Variants in HECW1 observed in about 807,000 individuals in gnomAD.
The protein encoded by HECW1 is HECT, C2 and WW domain containing E3 ubiquitin protein ligase 1.
HECW1 carries 61 observed loss-of-function variants against 182.3 expected under a neutral mutation model. The observed-to-expected ratio is 0.33, with a 90% CI of 0.27 to 0.41. The LOEUF is 0.41. Ranked by LOEUF, HECW1 falls within the 10% of genes least tolerant of loss-of-function variation. HECW1 has a pLI of 1.00. For synonymous variants in HECW1, 859 were observed against 832.6 expected, an observed-to-expected ratio of 1.03 and a Z score of -0.55; for missense variants, 1,739 against 2,108.9, an observed-to-expected ratio of 0.82 and a Z score of 3.44.
chr7:43,315,475 T>C (rs1809110895), intron 4 of HECW1, among the ~76,000 whole-genome samples: 1 of 74,270 alleles, frequency 1.3e-5, no homozygotes, highest in Non-Finnish European at 2.8e-5. Context: ...GTTATTATTA[T>C]TATTATTATT....
At chr7:43,295,684 G>C (rs751670080) in intron 3 of HECW1, among the ~76,000 whole-genome samples, 2 of 152,120 alleles carry the variant, frequency 1.3e-5, no homozygotes, top group Non-Finnish European at 2.9e-5. Flanking sequence ...CATGACCTAC[G>C]TATTTTCCAG....
At chr7:43,191,026 A>G (rs113895521) in intron 2 of HECW1, among the ~76,000 whole-genome samples, 24 of 152,344 alleles carry the variant, frequency 1.6e-4, no homozygotes, top group African/African-American at 5.3e-4. Flanking sequence ...CCCAGAAATC[A>G]CAAAACAAAA....
intron 19 of HECW1, among the ~76,000 whole-genome samples, chr7:43,496,924 A>G (rs1386087265): frequency 6.6e-6 from 1 of 152,192 alleles, no homozygotes; most frequent in African/African-American, 2.4e-5. Flanking sequence ...TCCCAGGGCT[A>G]TGTATGCAGT....
intron 17 of HECW1, among the ~76,000 whole-genome samples, chr7:43,488,503 A>AAAGAAAGAGAAAGAAAG (rs1563046957): frequency 6.7e-6 from 1 of 150,282 alleles, no homozygotes; most frequent in Non-Finnish European, 1.5e-5. Context: ...AGAAAGAAAG[A>AAAGAAAGAGAAAGAAAG]AAAGAAAAGA....
chr7:43,308,004 T>C (rs915649568), intron 3 of HECW1, among the ~76,000 whole-genome samples: 2 of 124,216 alleles, frequency 1.6e-5, no homozygotes, highest in Admixed American at 2.1e-4. Context: ...ATATAATATA[T>C]AATATACAGT....
chr7:43,318,457 G>A (rs1439620655), intron 4 of HECW1, among the ~76,000 whole-genome samples: 1 of 152,200 alleles, frequency 6.6e-6, no homozygotes, highest in Non-Finnish European at 1.5e-5. Flanking sequence ...GATACAAACA[G>A]TTCTTATCGG....
intron 6 of HECW1, among the ~76,000 whole-genome samples, chr7:43,364,441 G>A (rs532520801): frequency 5.0e-4 from 76 of 152,320 alleles, no homozygotes; most frequent in Non-Finnish European, 6.9e-4. Flanking sequence ...GAGAACTCAC[G>A]GTTACTCCAT....
intron 5 of HECW1, among the ~76,000 whole-genome samples, chr7:43,355,283 T>C (rs1814982656): frequency 6.6e-6 from 1 of 152,204 alleles, no homozygotes. Context: ...AAACCCAGGA[T>C]ACTCTAATAC....
chr7:43,484,221 G>A (rs1394844712), intron 17 of HECW1: 1 of 152,272 alleles, frequency 6.6e-6, no homozygotes, highest in Non-Finnish European at 1.5e-5. Context: ...TGTGGGGCTT[G>A]ATTCCACGTC....
chr7:43,205,586 C>T (rs867901245), intron 2 of HECW1, among the ~76,000 whole-genome samples: 17 of 152,248 alleles, frequency 1.1e-4, no homozygotes, highest in Middle Eastern at 3.4e-3. Flanking sequence ...GTCTTTGTCC[C>T]AACATTGGCA....
chr7:43,260,128 C>A (rs1484198111), intron 3 of HECW1, among the ~76,000 whole-genome samples: 1 of 152,092 alleles, frequency 6.6e-6, no homozygotes, highest in Non-Finnish European at 1.5e-5. Context: ...GACTTCTTAT[C>A]AGAACAATGA....
intron 23 of HECW1, 86 bp downstream of exon 23, chr7:43,508,217 C>A: frequency 1.3e-6 from 1 of 797,774 alleles, no homozygotes; most frequent in South Asian, 1.5e-5. Context: ...CAAGAAGGAG[C>A]ACAGTAGCTG....
chr7:43,283,464 T>G (rs138980317), intron 3 of HECW1, among the ~76,000 whole-genome samples: 2 of 152,308 alleles, frequency 1.3e-5, no homozygotes, highest in African/African-American at 4.8e-5. Flanking sequence ...ATGTATTTAT[T>G]TTGCATAAAA....
chr7:43,219,980 C>T (rs1394942647), intron 2 of HECW1, among the ~76,000 whole-genome samples: 1 of 152,108 alleles, frequency 6.6e-6, no homozygotes, highest in Non-Finnish European at 1.5e-5. Flanking sequence ...GAGGAAGGCT[C>T]CTGCAGTGAG....
chr7:43,311,910 G>T lies in HECW1; in HGVS notation c.175G>T (p.Asp59Tyr), dbSNP rs746740077. 1 of 1,614,190 alleles carries T rather than the reference G, an allele frequency of 6.2e-7. No individual in the cohort carries two copies. Among genetic ancestry groups the T allele is most frequent in the Non-Finnish European group, 8.5e-7 (1 of 1,180,032 alleles). The change falls in exon 4 of 30, where the codon GAT (aspartate) becomes TAT (tyrosine). Residue 59 changes from aspartate (D) to tyrosine (Y), a missense_variant. Asp to Tyr is a radical substitution (Grantham distance 160). Transcript: ENST00000395891. ...CATGGACCTCAGGGGCGGCCCCCAC[G>T]ATGGCGTCACCATTCCCCGCTCCAC... is the stretch of plus-strand genomic sequence containing the variant. ...HNMDLRGGPH[D>Y]GVTIPRSTSD...
chr7:43,237,917 G>A (rs1474102627), intron 2 of HECW1, among the ~76,000 whole-genome samples: 1 of 151,750 alleles, frequency 6.6e-6, no homozygotes, highest in Non-Finnish European at 1.5e-5. Flanking sequence ...AAAGTTAAAT[G>A]AGATACTGAA....
chr7:43,314,379 T>C (rs919043756), intron 4 of HECW1, among the ~76,000 whole-genome samples: 8 of 152,124 alleles, frequency 5.3e-5, no homozygotes, highest in African/African-American at 1.9e-4. Flanking sequence ...AAGCTCACTC[T>C]AGTGTTGTGT....
chr7:43,367,726 C>T lies in HECW1; in HGVS notation c.555+6746C>T, dbSNP rs1816822758. 2.0e-5 allele frequency among the ~76,000 whole-genome samples: 3 copies of T among 152,190 alleles called. No individual in the cohort carries two copies. The South Asian group carries it at 6.2e-4, about 31-fold the overall frequency. On this transcript the variant is annotated intron_variant, in intron 6 of 29. Coordinates refer to ENST00000395891, the MANE Select transcript of HECW1 (RefSeq NM_015052.5). ...TACAAGATCTTCTGACTATTGTTAACTTTTAAACTTTGTCTCCATTCTCAA... is the reference window on the plus strand; with the variant it reads ...TACAAGATCTTCTGACTATTGTTAATTTTTAAACTTTGTCTCCATTCTCAA...
chr7:43,318,315 C>G (rs1271855220), intron 4 of HECW1, among the ~76,000 whole-genome samples: 1 of 152,142 alleles, frequency 6.6e-6, no homozygotes, highest in African/African-American at 2.4e-5. Context: ...AAATATTATG[C>G]CTTTTTGCAG....
Sources: allele counts gnomAD v4.1 joint callset (sites outside exome capture counted in the v4.1 genomes callset), GRCh38; gene constraint gnomAD v4.1.1; transcripts MANE v1.5; gene names NCBI Gene and HGNC (gene_info 2026-07-23, HGNC 2026-07-21).